Variants in MARCHF1 observed in about 807,000 individuals in gnomAD.
MARCHF1 encodes E3 ubiquitin-protein ligase MARCHF1.
Under a neutral mutation model 54.2 loss-of-function variants are expected in MARCHF1, and 40 were observed. The ratio of observed to expected loss-of-function variants is 0.74; its 90% CI spans 0.57 to 0.96. The LOEUF (loss-of-function observed/expected upper bound fraction) is 0.96. Ranked by LOEUF, MARCHF1 falls within the 40% of genes least tolerant of loss-of-function variation. MARCHF1 has a pLI of 0.00. For synonymous variants in MARCHF1, 236 were observed against 236.3 expected (o/e 1.00, Z 0.01); for missense variants, 586 against 656.5 (o/e 0.89, Z 1.17).
intron 4 of MARCHF1, among the ~76,000 whole-genome samples, chr4:163,828,054 C>CACACACAGAGAGAG (rs774603753): frequency 6.7e-6 from 1 of 148,204 alleles, no homozygotes; most frequent in Non-Finnish European, 1.5e-5. Context: ...CACACACACA[C>CACACACAGAGAGAG]AGACACACCT....
At chr4:164,274,669 T>C (rs1312677323) in intron 1 of MARCHF1, among the ~76,000 whole-genome samples, 1,397 of 106,680 alleles carry the variant, frequency 0.013, 156 homozygotes, top group East Asian at 0.054. Flanking sequence ...CTTTTTTTTT[T>C]TTTTTTTTTT....
chr4:164,266,219 T>G (rs1291842495), intron 1 of MARCHF1, among the ~76,000 whole-genome samples: 1 of 152,228 alleles, frequency 6.6e-6, no homozygotes, highest in Non-Finnish European at 1.5e-5. Context: ...CAGGTTTACC[T>G]TTTCCTGGAT....
chr4:164,073,511 G>T (rs920647044), intron 2 of MARCHF1, among the ~76,000 whole-genome samples: 2 of 151,992 alleles, frequency 1.3e-5, no homozygotes, highest in Non-Finnish European at 2.9e-5. Flanking sequence ...TGGGGGGCAG[G>T]GGGAGGGATA....
chr4:163,563,076 A>G (rs1173926816), intron 8 of MARCHF1, among the ~76,000 whole-genome samples: 1 of 152,210 alleles, frequency 6.6e-6, no homozygotes, highest in African/African-American at 2.4e-5. Flanking sequence ...TGAAAACTAC[A>G]AATATATTAA....
At position 163,612,743 on chromosome 4, in the gene MARCHF1, T is replaced by C; in HGVS notation, c.538A>G (p.Lys180Glu). ...CTCCTTCTTCTTGACAGTCTGAATTTAACCTGGGCTCTTCTTTTTGCCTGA... is the reference window on the plus strand; with the variant it reads ...CTCCTTCTTCTTGACAGTCTGAATTCAACCTGGGCTCTTCTTTTTGCCTGA... Reference protein sequence around the residue: ...WIQAKRRAQVKFRLSRRRRRN... With the variant: ...WIQAKRRAQVEFRLSRRRRRN... Residue 180 changes from lysine (K) to glutamate (E), a missense_variant, in exon 7 of 10, where the codon AAA (lysine) becomes GAA (glutamate). Physicochemically the swap from Lys to Glu is moderately conservative, Grantham distance 56. This residue lies in a region of MARCHF1 where 387 missense variants were observed against 394.6 expected (regional missense o/e 0.98). Coordinates refer to ENST00000514618, the MANE Select transcript of MARCHF1 (RefSeq NM_001394959.1). 2 of 1,535,546 alleles carry C rather than the reference T, an allele frequency of 1.3e-6. No homozygotes were observed. Among genetic ancestry groups the C allele is most frequent in the South Asian group, 2.4e-5 (2 of 84,050 alleles).
At chr4:163,589,229 C>G (rs1227365696) in intron 7 of MARCHF1, among the ~76,000 whole-genome samples, 1 of 152,040 alleles carries the variant, frequency 6.6e-6, no homozygotes, top group Non-Finnish European at 1.5e-5. Flanking sequence ...TAAACAGAGA[C>G]CTTGCTGGTT....
chr4:164,099,427 T>A (rs954715374), intron 2 of MARCHF1, among the ~76,000 whole-genome samples: 5 of 152,158 alleles, frequency 3.3e-5, no homozygotes, highest in African/African-American at 9.7e-5. Flanking sequence ...TGTCAAAACA[T>A]CTTCCATTAT....
intron 4 of MARCHF1, among the ~76,000 whole-genome samples, chr4:163,788,238 AACG>A (rs1240149662): frequency 2.6e-5 from 4 of 151,980 alleles, no homozygotes; most frequent in African/African-American, 9.7e-5. Flanking sequence ...CACAATGAAA[AACG>A]ACAACCCTGT....
rs35543676 is a variant in MARCHF1 at position 164,340,916 on chromosome 4, C to CAAAAA, written c.-323+42949_-323+42953dup. ...ATACCAAAGACAGCTGAGGGCACTA[C>CAAAAA]AAAAAAAAAAAAAAAAAAGTTACAG... On this transcript the variant is annotated intron_variant, in intron 1 of 9. Coordinates refer to ENST00000514618, the MANE Select transcript of MARCHF1 (RefSeq NM_001394959.1). Among the ~76,000 whole-genome samples the CAAAAA allele has an allele frequency of 1.3e-3, 123 of 96,342 alleles. 1 individual carries two copies. The highest frequency in any genetic ancestry group is 6.2e-3 in the Middle Eastern group (1 of 162). 63.2% of individuals were successfully genotyped at this position (96,342 alleles called of 152,430 possible). A position where few individuals can be genotyped will look rare whatever the true frequency, so the allele number is the denominator to read the frequency against.
chr4:163,941,146 T>C (rs1751904032), intron 3 of MARCHF1, among the ~76,000 whole-genome samples: 1 of 152,106 alleles, frequency 6.6e-6, no homozygotes, highest in Non-Finnish European at 1.5e-5. Flanking sequence ...CTTGTTTTTT[T>C]CTGAAAGTCT....
intron 2 of MARCHF1, among the ~76,000 whole-genome samples, chr4:164,099,124 G>T (rs576266395): frequency 4.3e-4 from 65 of 152,282 alleles, no homozygotes; most frequent in African/African-American, 1.5e-3. Flanking sequence ...GATTGAAGTT[G>T]GTTTTCTCAG....
chr4:163,849,068 G>A (rs532758224), intron 4 of MARCHF1, among the ~76,000 whole-genome samples: 3 of 152,226 alleles, frequency 2.0e-5, no homozygotes, highest in African/African-American at 7.2e-5. Context: ...TAATCTTTGT[G>A]TTTAGTCAAA....
chr4:163,641,563 T>C (rs1220370034), intron 5 of MARCHF1, among the ~76,000 whole-genome samples: 2 of 152,170 alleles, frequency 1.3e-5, no homozygotes, highest in Non-Finnish European at 2.9e-5. Context: ...CAGGGGTTAA[T>C]ACATATATTT....
chr4:164,247,642 G>GT (rs1732994401), intron 1 of MARCHF1, among the ~76,000 whole-genome samples: 1 of 128,846 alleles, frequency 7.8e-6, no homozygotes, highest in Admixed American at 8.3e-5. Flanking sequence ...AAAAAAGAAA[G>GT]TAAAAAAAAA....
intron 5 of MARCHF1, among the ~76,000 whole-genome samples, chr4:163,681,979 C>A (rs930705456): frequency 6.6e-6 from 1 of 152,140 alleles, no homozygotes; most frequent in South Asian, 2.1e-4. Context: ...GCTCAAAAGA[C>A]AGGAAGATGT....
chr4:163,921,932 C>A (rs149000881), intron 3 of MARCHF1, among the ~76,000 whole-genome samples: 3 of 151,924 alleles, frequency 2.0e-5, no homozygotes, highest in African/African-American at 4.8e-5. Flanking sequence ...ATGTTTATTG[C>A]GGCACTATTC....
chr4:163,679,985 T>G (rs1295367818), intron 5 of MARCHF1, among the ~76,000 whole-genome samples: 3 of 151,442 alleles, frequency 2.0e-5, no homozygotes, highest in Non-Finnish European at 4.4e-5. Context: ...ATCTGTTTTT[T>G]TTTTTTTTTT....
At chr4:163,776,872 T>G (rs542674930) in intron 4 of MARCHF1, among the ~76,000 whole-genome samples, 1 of 152,336 alleles carries the variant, frequency 6.6e-6, no homozygotes, top group South Asian at 2.1e-4. Flanking sequence ...CAAATTAACA[T>G]GTAGATTAAA....
At chr4:164,197,665 G>A (rs756821901) in intron 1 of MARCHF1, 1 of 1,612,506 alleles carries the variant, frequency 6.2e-7, no homozygotes, top group Non-Finnish European at 8.5e-7. Context: ...CACATCAGAG[G>A]GCGCCCTGTT....
Sources: allele counts gnomAD v4.1 joint callset (sites outside exome capture counted in the v4.1 genomes callset), GRCh38; gene constraint gnomAD v4.1.1; regional missense constraint gnomAD v4.1.1; transcripts MANE v1.5; gene names NCBI Gene and HGNC (gene_info 2026-07-23, HGNC 2026-07-21).